Variants in SCAI observed in about 807,000 individuals in gnomAD.
SCAI encodes the protein protein SCAI.
A neutral mutation model predicts 92.2 loss-of-function variants in SCAI; 24 were observed. The ratio of observed to expected loss-of-function variants is 0.26; its 90% CI spans 0.19 to 0.37. SCAI has a LOEUF of 0.37. SCAI is among the 10% of genes least tolerant of loss of function. SCAI has a pLI of 1.00. For missense variants in SCAI, 450 were observed against 736.2 expected (o/e 0.61, Z 4.50); for synonymous variants, 261 against 258.6 (o/e 1.01, Z -0.09).
chr9:125,107,866 C>T (rs1834834108), intron 2 of SCAI, among the ~76,000 whole-genome samples: 1 of 152,228 alleles, frequency 6.6e-6, no homozygotes. Flanking sequence ...TTTCCACGGT[C>T]TCCCTCTGAT....
chr9:124,974,749 CATA>C (rs1006755272), intron 15 of SCAI, among the ~76,000 whole-genome samples: 43 of 152,186 alleles, frequency 2.8e-4, no homozygotes, highest in African/African-American at 9.9e-4. Context: ...TACAACTAAG[CATA>C]ATAATAATAA....
chr9:124,971,923 T>C, intron 15 of SCAI, 79 bp from the exon 16 acceptor site: 2 of 661,710 alleles, frequency 3.0e-6, no homozygotes, highest in Non-Finnish European at 4.7e-6. Context: ...CATTTTAATA[T>C]ACTGATAATA....
At chr9:125,059,100 C>T (rs1833725775) in intron 2 of SCAI, among the ~76,000 whole-genome samples, 2 of 152,162 alleles carry the variant, frequency 1.3e-5, no homozygotes, top group South Asian at 2.1e-4. Context: ...AGTAATTTCA[C>T]AGCAGTAAAA....
chr9:125,008,806 T>C (rs1032168626), intron 9 of SCAI, among the ~76,000 whole-genome samples: 1 of 152,082 alleles, frequency 6.6e-6, no homozygotes, highest in East Asian at 1.9e-4. Context: ...ATAATAACCA[T>C]ATTTCAAAAT....
intron 2 of SCAI, among the ~76,000 whole-genome samples, chr9:125,093,076 T>G (rs866741198): frequency 6.6e-6 from 1 of 152,170 alleles, no homozygotes; most frequent in South Asian, 2.1e-4. Flanking sequence ...AAACATCATT[T>G]CCGGCTGGGC....
intron 2 of SCAI, among the ~76,000 whole-genome samples, chr9:125,080,832 C>T (rs1204929503): frequency 6.6e-6 from 1 of 152,182 alleles, no homozygotes; most frequent in Non-Finnish European, 1.5e-5. Flanking sequence ...TGTGTCCCCA[C>T]CCAAATCTCA....
chr9:125,099,429 G>A (rs1433138611), intron 2 of SCAI, among the ~76,000 whole-genome samples: 2 of 151,934 alleles, frequency 1.3e-5, no homozygotes, highest in East Asian at 1.9e-4. Context: ...TGAGATGTGC[G>A]CTACCATGCC....
At chr9:124,969,334 A>G (rs1229473444) in intron 17 of SCAI, among the ~76,000 whole-genome samples, 1 of 152,200 alleles carries the variant, frequency 6.6e-6, no homozygotes, top group Non-Finnish European at 1.5e-5. Context: ...ATATTTTTTT[A>G]ACTGTTCAGG....
At chr9:125,019,048 CAT>C (rs1725241818) in intron 8 of SCAI, 57 bp downstream of exon 8, 37 of 1,523,840 alleles carry the variant, frequency 2.4e-5, no homozygotes, top group African/African-American at 4.2e-5. Context: ...ACAATAAAAA[CAT>C]AAACTACACG....
chr9:125,045,009 A>G (rs1457951833), intron 3 of SCAI, among the ~76,000 whole-genome samples: 1 of 152,084 alleles, frequency 6.6e-6, no homozygotes, highest in Non-Finnish European at 1.5e-5. Flanking sequence ...ATTCGCTAAC[A>G]CACCCCTCGC....
At chr9:124,988,777 C>T (rs78382907) in intron 14 of SCAI, among the ~76,000 whole-genome samples, 2,545 of 152,280 alleles carry the variant, frequency 0.017, 73 homozygotes, top group African/African-American at 0.059. Flanking sequence ...AATGGACTAA[C>T]TCTAGAAAAT....
At chr9:124,978,177 C>T (rs904031986) in intron 14 of SCAI, among the ~76,000 whole-genome samples, 1 of 152,194 alleles carries the variant, frequency 6.6e-6, no homozygotes, top group African/African-American at 2.4e-5. Flanking sequence ...CGCGTTGGCT[C>T]ACACCTGTAA....
At chr9:124,976,025 G>T in intron 15 of SCAI, 89 bp downstream of exon 15, 1 of 817,304 alleles carries the variant, frequency 1.2e-6, no homozygotes, top group South Asian at 1.5e-5. Flanking sequence ...CGATCATTAT[G>T]GGAGGAAAAA....
chr9:125,122,546 G>A (rs532482070), intron 2 of SCAI, among the ~76,000 whole-genome samples: 21 of 132,554 alleles, frequency 1.6e-4, no homozygotes, highest in Admixed American at 1.4e-3. Flanking sequence ...CCAAGATTGC[G>A]CTACTGCACT....
At chr9:125,088,722 C>T (rs190831265) in intron 2 of SCAI, among the ~76,000 whole-genome samples, 5 of 152,320 alleles carry the variant, frequency 3.3e-5, no homozygotes, top group Admixed American at 1.3e-4. Flanking sequence ...AAGCAATCCT[C>T]ATACCTTGGC....
intron 2 of SCAI, among the ~76,000 whole-genome samples, chr9:125,128,609 C>T (rs1228150294): frequency 2.0e-5 from 3 of 151,744 alleles, no homozygotes; most frequent in East Asian, 1.9e-4. Flanking sequence ...AAAAATTAGC[C>T]GGGTGTGGTG....
chr9:124,992,954 C>T (rs527298212), intron 14 of SCAI, among the ~76,000 whole-genome samples: 17 of 152,198 alleles, frequency 1.1e-4, no homozygotes, highest in Admixed American at 2.0e-4. Flanking sequence ...ATAGCAGGCA[C>T]ATACAATGAA....
chr9:125,041,608 T>C (rs1354481209), intron 3 of SCAI, among the ~76,000 whole-genome samples: 1 of 152,094 alleles, frequency 6.6e-6, no homozygotes, highest in African/African-American at 2.4e-5. Flanking sequence ...AGGTGTCAAG[T>C]AAAAAGGGTT....
chr9:124,989,022 C>A (rs2131612192), intron 14 of SCAI, among the ~76,000 whole-genome samples: 1 of 152,208 alleles, frequency 6.6e-6, no homozygotes, highest in South Asian at 2.1e-4. Flanking sequence ...GCCTGTAATC[C>A]CAGCTACTCG....
Sources: gnomAD v4.1 joint callset for allele counts (sites outside exome capture counted in the v4.1 genomes callset) on GRCh38, gnomAD v4.1.1 for gene constraint, MANE v1.5 for transcripts, NCBI Gene and HGNC (gene_info 2026-07-23, HGNC 2026-07-21) for gene names.